TMEM50A: variants seen among roughly 807,000 people sequenced by gnomAD.
TMEM50A encodes the protein cervical cancer oncogene 9.
Under a neutral mutation model 23.9 loss-of-function variants are expected in TMEM50A, and 8 were observed. The observed-to-expected ratio is 0.33, with a 90% CI of 0.20 to 0.60. The LOEUF (loss-of-function observed/expected upper bound fraction) is 0.60. TMEM50A is among the 20% of genes least tolerant of loss of function. The probability of loss-of-function intolerance (pLI) is 0.81; values close to 1 mark genes in which losing one functional copy is unlikely to be tolerated. For synonymous variants in TMEM50A, 55 were observed against 60.4 expected, an observed-to-expected ratio of 0.91 and a Z score of 0.41; for missense variants, 178 against 192.7, an observed-to-expected ratio of 0.92 and a Z score of 0.45.
intron 6 of TMEM50A, among the ~76,000 whole-genome samples, chr1:25,357,528 A>AGTGTGTGTGTGTGTGTGTGT (rs58801158): frequency 1.5e-4 from 21 of 139,660 alleles, no homozygotes; most frequent in African/African-American, 5.1e-4. Flanking sequence ...CTGCATCAGG[A>AGTGTGTGTGTGTGTGTGTGT]GTGTGTGTGT....
intron 3 of TMEM50A, among the ~76,000 whole-genome samples, chr1:25,350,689 C>T (rs1264822819): frequency 1.3e-5 from 2 of 152,070 alleles, no homozygotes; most frequent in African/African-American, 4.8e-5. Flanking sequence ...CGCCCAGCCT[C>T]GTTCCCAAAT....
intron 6 of TMEM50A, among the ~76,000 whole-genome samples, chr1:25,357,210 G>A (rs576908881): frequency 1.2e-4 from 18 of 152,184 alleles, no homozygotes; most frequent in African/African-American, 4.3e-4. Context: ...CTTAAATTTT[G>A]GTTTCTGATA....
At chr1:25,343,580 T>C (rs1452209218) in intron 3 of TMEM50A, among the ~76,000 whole-genome samples, 1 of 152,090 alleles carries the variant, frequency 6.6e-6, no homozygotes, top group African/African-American at 2.4e-5. Flanking sequence ...TTTTTTTTTA[T>C]AGAGAGGGTG....
chr1:25,352,495 CAA>C (rs766371248), intron 4 of TMEM50A, among the ~76,000 whole-genome samples: 12 of 58,936 alleles, frequency 2.0e-4, no homozygotes, highest in Middle Eastern at 9.6e-3. Flanking sequence ...GACTCTGCCT[CAA>C]AAAAAAAAAA....
At chr1:25,349,530 ATAAT>A (rs572864533) in intron 3 of TMEM50A, among the ~76,000 whole-genome samples, 88 of 152,364 alleles carry the variant, frequency 5.8e-4, no homozygotes, top group African/African-American at 2.1e-3. Context: ...ATCACTGAAA[ATAAT>A]TGAGTATTTT....
At chr1:25,357,292 A>G (rs1344179332) in intron 6 of TMEM50A, among the ~76,000 whole-genome samples, 1 of 152,180 alleles carries the variant, frequency 6.6e-6, no homozygotes, top group Admixed American at 6.5e-5. Flanking sequence ...GGAAAAGCCC[A>G]AACATTTTTT....
chr1:25,347,112 C>T (rs1267916427), intron 3 of TMEM50A, among the ~76,000 whole-genome samples: 1 of 152,048 alleles, frequency 6.6e-6, no homozygotes, highest in Non-Finnish European at 1.5e-5. Context: ...ATATATACAC[C>T]CATGTAAACA....
chr1:25,349,037 G>A (rs1645250728), intron 3 of TMEM50A, among the ~76,000 whole-genome samples: 1 of 152,168 alleles, frequency 6.6e-6, no homozygotes, highest in Admixed American at 6.5e-5. Flanking sequence ...ATGCAGCGGA[G>A]CGTGGGATGG....
At chr1:25,352,785 C>T in intron 4 of TMEM50A, 97 bp from the exon 5 acceptor site, 1 of 1,065,752 alleles carries the variant, frequency 9.4e-7, no homozygotes. Context: ...ATGGCAGTTG[C>T]ACTTTTTTTT....
At chr1:25,350,053 T>A (rs1013720985) in intron 3 of TMEM50A, among the ~76,000 whole-genome samples, 2 of 152,338 alleles carry the variant, frequency 1.3e-5, no homozygotes, top group African/African-American at 4.8e-5. Context: ...TAAAACACCT[T>A]ATGTTTAGAG....
At chr1:25,341,473 C>G (rs1645167882) in intron 2 of TMEM50A, among the ~76,000 whole-genome samples, 1 of 152,058 alleles carries the variant, frequency 6.6e-6, no homozygotes, top group African/African-American at 2.4e-5. Context: ...GTCTCGATCT[C>G]CTGACCTCGT....
chr1:25,339,285 G>C (rs1645141222), intron 1 of TMEM50A, among the ~76,000 whole-genome samples: 1 of 152,158 alleles, frequency 6.6e-6, no homozygotes, highest in Admixed American at 6.5e-5. Flanking sequence ...CTACTGCTCG[G>C]CTTACAGGAA....
chr1:25,355,074 C>T (rs3093625), intron 5 of TMEM50A, among the ~76,000 whole-genome samples: 1 of 151,984 alleles, frequency 6.6e-6, no homozygotes, highest in Non-Finnish European at 1.5e-5. Context: ...GCCCAGCCAT[C>T]TATATATTTT....
chr1:25,353,798 G>A (rs867880367), intron 5 of TMEM50A, among the ~76,000 whole-genome samples: 9 of 152,042 alleles, frequency 5.9e-5, no homozygotes, highest in Admixed American at 3.3e-4. Flanking sequence ...GGGTGTCATA[G>A]TAAAAATACA....
rs3093644 is a variant in TMEM50A at position 25,362,016 on chromosome 1, C to T, written c.*1311C>T. Reference sequence around the variant, plus strand: ...TTTTTTAATCCTCAGGCAGTGCATCCCCCCACCCTACAACTGAGCACAACC... The same window carrying T: ...TTTTTTAATCCTCAGGCAGTGCATCTCCCCACCCTACAACTGAGCACAACC... On this transcript the variant is annotated 3_prime_UTR_variant, in exon 7 of 7. Transcript: ENST00000374358. 2 of 202,228 alleles carry T rather than the reference C, an allele frequency of 9.9e-6. No homozygotes were observed. The highest frequency in any genetic ancestry group is 2.0e-5 in the Non-Finnish European group (2 of 98,932). 12.5% of individuals were successfully genotyped at this position (202,228 alleles called of 1,614,324 possible). A position where few individuals can be genotyped will look rare whatever the true frequency, so the allele number is the denominator to read the frequency against.
At chr1:25,359,763 T>C (rs999094774) in intron 6 of TMEM50A, among the ~76,000 whole-genome samples, 2 of 152,102 alleles carry the variant, frequency 1.3e-5, no homozygotes, top group African/African-American at 4.8e-5. Flanking sequence ...AACACCTGCC[T>C]TCATCATCCC....
intron 2 of TMEM50A, among the ~76,000 whole-genome samples, chr1:25,340,949 T>C (rs531411721): frequency 5.3e-5 from 8 of 152,276 alleles, no homozygotes; most frequent in Non-Finnish European, 1.2e-4. Context: ...TTAACTTTCT[T>C]CTCAGTCTCA....
chr1:25,352,525 A>G (rs1291198748), intron 4 of TMEM50A, among the ~76,000 whole-genome samples: 2 of 151,562 alleles, frequency 1.3e-5, no homozygotes, highest in Non-Finnish European at 2.9e-5. Flanking sequence ...ATGTGGGATC[A>G]TTGTCTATAT....
At position 25,361,098 on chromosome 1, in the gene TMEM50A, G is replaced by C. The variant is rs1645397108; in HGVS notation, c.*393G>C. On this transcript the variant is annotated 3_prime_UTR_variant, in exon 7 of 7. Coordinates refer to ENST00000374358, the MANE Select transcript of TMEM50A (RefSeq NM_014313.4). ...TTTATTCAAATGTGGTCTCTTCTGT[G>C]TCAAATGTTAAATGAAATATAAACA... 6.1e-6 allele frequency: 1 copy of C among 164,944 alleles called. No individual in the cohort carries two copies. The highest frequency in any genetic ancestry group is 2.4e-5 in the African/African-American group (1 of 41,742). The allele number at this position is 164,944 out of a possible 1,614,324, so 10.2% of individuals were successfully genotyped here.
Sources: allele counts gnomAD v4.1 joint callset (sites outside exome capture counted in the v4.1 genomes callset), GRCh38; gene constraint gnomAD v4.1.1; transcripts MANE v1.5; gene names NCBI Gene and HGNC (gene_info 2026-07-23, HGNC 2026-07-21).